Variants in MSH3 observed in about 807,000 individuals in gnomAD.
MSH3 encodes mutS homolog 3.
MSH3 carries 106 observed loss-of-function variants against 123.3 expected under a neutral mutation model. The observed-to-expected ratio is 0.86, with a 90% CI of 0.73 to 1.01. MSH3 has a LOEUF of 1.01. Among genes scored for constraint, MSH3 ranks in the 50% least tolerant of loss-of-function variants. The pLI, the probability that MSH3 is intolerant of heterozygous loss-of-function variation, is 0.00. For synonymous variants in MSH3, 515 were observed against 481.4 expected, an observed-to-expected ratio of 1.07 and a Z score of -0.91; for missense variants, 1,459 against 1,347.6, an observed-to-expected ratio of 1.08 and a Z score of -1.29.
chr5:80,718,495 G>GTT (rs35857348), intron 8 of MSH3, among the ~76,000 whole-genome samples: 6,789 of 122,138 alleles, frequency 0.056, 250 homozygotes, highest in African/African-American at 0.098. Context: ...CTCACCTTTG[G>GTT]TTTTTTTTTT....
At chr5:80,808,680 ACTT>A (rs925745336) in intron 19 of MSH3, among the ~76,000 whole-genome samples, 83 of 151,790 alleles carry the variant, frequency 5.5e-4, no homozygotes, top group Non-Finnish European at 1.1e-3. Context: ...TAAACTAAAA[ACTT>A]CATCATTCCC....
At chr5:80,805,899 CT>C (rs1042563552) in intron 19 of MSH3, among the ~76,000 whole-genome samples, 51 of 151,602 alleles carry the variant, frequency 3.4e-4, no homozygotes, top group African/African-American at 7.7e-4. Context: ...AATATGATGC[CT>C]TTTGATGACA....
chr5:80,676,167 A>T (rs1282510059), intron 7 of MSH3, among the ~76,000 whole-genome samples: 1 of 152,178 alleles, frequency 6.6e-6, no homozygotes, highest in East Asian at 1.9e-4. Context: ...AGTAGCTGGG[A>T]CTACAGTCAC....
chr5:80,672,944 G>T (rs1749756201), intron 6 of MSH3, 86 bp downstream of exon 6: 4 of 1,096,002 alleles, frequency 3.6e-6, no homozygotes, highest in Non-Finnish European at 5.6e-6. Context: ...TTGTTTTTTA[G>T]TTGCTCTTTG....
At chr5:80,656,258 C>G (rs946518901) in intron 1 of MSH3, among the ~76,000 whole-genome samples, 153 bp from the exon 2 acceptor site, 11 of 152,106 alleles carry the variant, frequency 7.2e-5, no homozygotes, top group Non-Finnish European at 1.5e-4. Flanking sequence ...AACAGTTCAC[C>G]CATAGGGTTT....
chr5:80,729,435 T>C (rs1157450310), intron 10 of MSH3, among the ~76,000 whole-genome samples: 1 of 100,682 alleles, frequency 9.9e-6, no homozygotes, highest in Non-Finnish European at 2.1e-5. Context: ...AAAAAATGTG[T>C]GTGTGTGTGT....
chr5:80,730,270 A>G (rs554808802), intron 10 of MSH3, among the ~76,000 whole-genome samples: 90 of 152,364 alleles, frequency 5.9e-4, no homozygotes, highest in African/African-American at 1.9e-3. Flanking sequence ...AAGTTGCTGA[A>G]GGCCACGTAG....
chr5:80,658,327 G>A (rs1749343508), intron 2 of MSH3, among the ~76,000 whole-genome samples: 1 of 152,148 alleles, frequency 6.6e-6, no homozygotes, highest in African/African-American at 2.4e-5. Flanking sequence ...CCAAAGTGCT[G>A]GGATTACAGG....
intron 4 of MSH3, among the ~76,000 whole-genome samples, chr5:80,671,581 G>A (rs929293708): frequency 3.9e-5 from 6 of 152,166 alleles, no homozygotes; most frequent in Admixed American, 1.3e-4. Flanking sequence ...CCTGACCACG[G>A]TAAAGGCTGA....
At chr5:80,668,339 G>A (rs533669316) in intron 3 of MSH3, among the ~76,000 whole-genome samples, 2 of 152,300 alleles carry the variant, frequency 1.3e-5, no homozygotes, top group Non-Finnish European at 2.9e-5. Flanking sequence ...TGGCTTGAAG[G>A]TGGGGCTTCA....
chr5:80,709,001 C>G (rs1187923090), intron 8 of MSH3, among the ~76,000 whole-genome samples: 1 of 152,128 alleles, frequency 6.6e-6, no homozygotes, highest in African/African-American at 2.4e-5. Context: ...TCTCAAACTC[C>G]TGACTTCAAC....
chr5:80,841,785 T>A (rs1055455197), intron 20 of MSH3, among the ~76,000 whole-genome samples: 6 of 152,126 alleles, frequency 3.9e-5, no homozygotes, highest in African/African-American at 1.4e-4. Flanking sequence ...GTTTAAGTTC[T>A]TTGTAGATTC....
chr5:80,844,537 T>G (rs1288565170), intron 20 of MSH3, among the ~76,000 whole-genome samples: 2 of 152,174 alleles, frequency 1.3e-5, no homozygotes, highest in African/African-American at 4.8e-5. Flanking sequence ...GGAGTCTTAG[T>G]CTCTTTGTAG....
At position 80,675,009 on chromosome 5, in the gene MSH3, G is replaced by A; in HGVS notation, c.1054G>A (p.Asp352Asn). The A allele has an allele frequency of 6.2e-7, 1 of 1,610,548 alleles. No individual in the cohort carries two copies. Among genetic ancestry groups the A allele is most frequent in the Non-Finnish European group, 8.5e-7 (1 of 1,177,076 alleles). ...EDVNPLIKLD[D>N]AVNVDEIMTD... ...TGTGAATCCCCTAATCAAGCTGGAT[G>A]ATGCTGTAAATGTTGATGAGATAAT... is the stretch of plus-strand genomic sequence containing the variant. Residue 352 changes from aspartate to asparagine, a missense_variant, in exon 7 of 24, where the codon GAT (aspartate) becomes AAT (asparagine). By Grantham distance (23) the Asp-to-Asn change is conservative. Coordinates refer to ENST00000265081, the MANE Select transcript of MSH3 (RefSeq NM_002439.5).
intron 20 of MSH3, among the ~76,000 whole-genome samples, chr5:80,821,127 A>G (rs539836798): frequency 4.1e-4 from 63 of 152,318 alleles, no homozygotes; most frequent in African/African-American, 1.5e-3. Flanking sequence ...TTCCTTGGTA[A>G]TATTAGTTAC....
intron 19 of MSH3, among the ~76,000 whole-genome samples, chr5:80,797,462 TG>T (rs1426589645): frequency 2.0e-5 from 3 of 151,888 alleles, no homozygotes; most frequent in Admixed American, 6.5e-5. Flanking sequence ...CTACACAAAA[TG>T]TTTTTTTTCA....
intron 4 of MSH3, among the ~76,000 whole-genome samples, chr5:80,671,365 T>C (rs1749720484): frequency 6.6e-6 from 1 of 152,154 alleles, no homozygotes; most frequent in South Asian, 2.1e-4. Context: ...AGTAAAGACT[T>C]GGCCAACTTT....
chr5:80,715,489 A>G (rs553655918), intron 8 of MSH3: 4 of 152,334 alleles, frequency 2.6e-5, no homozygotes, highest in African/African-American at 4.8e-5. Flanking sequence ...AGTAAGCTCT[A>G]TGACAGTGGT....
intron 8 of MSH3, among the ~76,000 whole-genome samples, chr5:80,687,570 A>G (rs1258766858): frequency 6.6e-6 from 1 of 151,646 alleles, no homozygotes; most frequent in Non-Finnish European, 1.5e-5. Flanking sequence ...TGAGTTGGTA[A>G]TGGGGAGGGG....
Sources: gnomAD v4.1 joint callset for allele counts (sites outside exome capture counted in the v4.1 genomes callset) on GRCh38, gnomAD v4.1.1 for gene constraint, MANE v1.5 for transcripts, NCBI Gene and HGNC (gene_info 2026-07-23, HGNC 2026-07-21) for gene names.